SLC9B1: variants seen among roughly 807,000 people sequenced by gnomAD.
The protein encoded by SLC9B1 is solute carrier family 9 member B1.
SLC9B1 carries 32 observed loss-of-function variants against 51.7 expected under a neutral mutation model. The ratio of observed to expected loss-of-function variants is 0.62; its 90% CI spans 0.47 to 0.83. The LOEUF is 0.83. Among genes scored for constraint, SLC9B1 ranks in the 40% least tolerant of loss-of-function variants. The probability of loss-of-function intolerance (pLI) is 0.00; values close to 1 mark genes in which losing one functional copy is unlikely to be tolerated. For missense variants in SLC9B1, 406 were observed against 613.2 expected, an observed-to-expected ratio of 0.66 and a Z score of 3.57; for synonymous variants, 145 against 212.7, an observed-to-expected ratio of 0.68 and a Z score of 2.77.
chr4:102,975,544 T>A (rs1405858327), intron 3 of SLC9B1, among the ~76,000 whole-genome samples: 2 of 146,718 alleles, frequency 1.4e-5, no homozygotes, highest in African/African-American at 5.0e-5. Context: ...GCTTCAACTA[T>A]ATCTATAATG....
chr4:102,983,429 T>A (rs1380609746), intron 3 of SLC9B1, among the ~76,000 whole-genome samples: 1 of 152,204 alleles, frequency 6.6e-6, no homozygotes, highest in Non-Finnish European at 1.5e-5. Context: ...GTATTCCTTC[T>A]GCTTATGTCT....
At chr4:102,886,903 C>T (rs1353261558) in intron 11 of SLC9B1, among the ~76,000 whole-genome samples, 1 of 152,226 alleles carries the variant, frequency 6.6e-6, no homozygotes, top group Non-Finnish European at 1.5e-5. Context: ...GCGTAAACTA[C>T]CGCACCAGCC....
rs148208462 is a variant in SLC9B1 at position 102,986,076 on chromosome 4, T to C, written c.211+3724A>G. 1.4e-3 allele frequency among the ~76,000 whole-genome samples: 209 copies of C among 152,330 alleles called. No individual in the cohort carries two copies. The Middle Eastern group carries it at 0.017, about 12-fold the overall frequency. The stretch of plus-strand genomic sequence containing the variant: ...GAATATTCTTCCTTTTTTACATAGA[T>C]GTGAGTTTCTGATCTACATCATTTT... On this transcript the variant is annotated intron_variant, in intron 3 of 11. Transcript: ENST00000296422.
chr4:102,926,784 A>C (rs935625261), intron 7 of SLC9B1, among the ~76,000 whole-genome samples: 1 of 152,360 alleles, frequency 6.6e-6, no homozygotes, highest in African/African-American at 2.4e-5. Context: ...AAGAGCCTGC[A>C]TTGCCAAGAC....
At chr4:102,940,261 CA>C (rs1033673435) in intron 6 of SLC9B1, among the ~76,000 whole-genome samples, 1 of 151,984 alleles carries the variant, frequency 6.6e-6, no homozygotes, top group African/African-American at 2.4e-5. Flanking sequence ...ACAATAGCCA[CA>C]AAAAAACTAT....
Position 102,894,781 on chromosome 4 carries a change from C to T in SLC9B1, c.1333-9453G>A, listed in dbSNP as rs115025956. On this transcript the variant is annotated intron_variant, in intron 11 of 11. Coordinates refer to the SLC9B1 transcript ENST00000394789. ...AAACCAGCTTGGGCAAATTGTGAAA[C>T]GCTATCTCTAACCAAAACAAAAAGC... Among the ~76,000 whole-genome samples, 866 of 152,074 alleles carry T rather than the reference C, an allele frequency of 5.7e-3. 6 individuals are homozygous for T. The highest frequency in any genetic ancestry group is 9.9e-3 in the Non-Finnish European group (674 of 67,990).
Position 102,957,903 on chromosome 4 carries a change from G to C in SLC9B1, c.212-8476C>G, listed in dbSNP as rs371015882. On this transcript the variant is annotated intron_variant, in intron 3 of 11. Transcript: ENST00000296422. ...TTCATAGCATATAAGAGGTACATTGGATCAAAGTTGCTATATAACACTGGA... is the reference window on the plus strand; with the variant it reads ...TTCATAGCATATAAGAGGTACATTGCATCAAAGTTGCTATATAACACTGGA... Among the ~76,000 whole-genome samples the C allele has an allele frequency of 3.3e-4, 50 of 152,140 alleles. No individual in the cohort carries two copies. In the East Asian group the frequency reaches 7.9e-3, roughly 24 times the overall value.
chr4:102,931,002 A>G (rs908751050), intron 7 of SLC9B1, among the ~76,000 whole-genome samples: 2 of 151,930 alleles, frequency 1.3e-5, no homozygotes, highest in Non-Finnish European at 2.9e-5. Flanking sequence ...AGGCGGGCGG[A>G]TCATGAGGTC....
In SLC9B1 at chr4:103,008,948, T is replaced by C. The variant is rs546808601; in HGVS notation, c.-2+10651A>G. Among the ~76,000 whole-genome samples the C allele has an allele frequency of 4.9e-3, 746 of 152,128 alleles. 1 individual carries two copies. The highest frequency in any genetic ancestry group is 7.3e-3 in the Non-Finnish European group (497 of 67,956). On this transcript the variant is annotated intron_variant, in intron 1 of 11. Coordinates refer to ENST00000296422, the MANE Select transcript of SLC9B1 (RefSeq NM_139173.4). ...CCGAGCAGCTGGGACTACGGGCGCGTGCCACCACGTCTGGCTAATTTTTTG... is the reference window on the plus strand; with the variant it reads ...CCGAGCAGCTGGGACTACGGGCGCGCGCCACCACGTCTGGCTAATTTTTTG...
chr4:102,901,200 CCATAAGTAG>C lies in SLC9B1; in HGVS notation c.1456_1464del (p.Leu486_Met488del). 6.2e-7 allele frequency: 1 copy of C among 1,612,068 alleles called. No homozygotes were observed. The highest frequency in any genetic ancestry group is 8.5e-7 in the Non-Finnish European group (1 of 1,179,858). On this transcript the variant is annotated inframe_deletion, in exon 12 of 12. Transcript: ENST00000296422. ...GTAAGCATTTTAGGCCCCAGAATGC[CCATAAGTAG>C]AGCTCCATTTGGAGCTGTGATCAAG...
chr4:102,886,578 G>A (rs1291504442), intron 11 of SLC9B1, among the ~76,000 whole-genome samples: 2 of 152,012 alleles, frequency 1.3e-5, no homozygotes, highest in African/African-American at 4.8e-5. Context: ...ATCTGGATGG[G>A]TTATGAGTGA....
intron 3 of SLC9B1, among the ~76,000 whole-genome samples, chr4:102,955,407 C>G (rs1000454507): frequency 6.6e-6 from 1 of 152,170 alleles, no homozygotes; most frequent in Admixed American, 6.6e-5. Flanking sequence ...TGAAAACGGA[C>G]TAATACACTC....
intron 9 of SLC9B1, 101 bp downstream of exon 9, chr4:102,910,338 C>G: frequency 9.3e-7 from 1 of 1,076,676 alleles, no homozygotes. Context: ...GACAGAAAAC[C>G]TTTTGGAACA....
At chr4:102,951,488 C>T (rs1333998854) in intron 3 of SLC9B1, among the ~76,000 whole-genome samples, 3 of 151,340 alleles carry the variant, frequency 2.0e-5, no homozygotes, top group South Asian at 2.1e-4. Context: ...GGACTAGAGA[C>T]AATTTTTAAA....
rs1227517602 is a variant in SLC9B1 at position 102,906,631 on chromosome 4, T to C, written c.1100A>G (p.Lys367Arg). Residue 367 changes from lysine (K) to arginine (R), a missense_variant, in exon 10 of 12, where the codon AAG becomes AGG. This residue lies in a region of SLC9B1 where 250 missense variants were observed against 394.1 expected (regional missense o/e 0.63). Transcript: ENST00000296422. ...KWSQEKMKVQ[K>R]IITTVWDIFQ... ...AATATCCCATACAGTCGTAATAATC[T>C]TTTGGACTTTCATCTATAGAAAAGA... The C allele has an allele frequency of 6.4e-7, 1 of 1,572,918 alleles. No homozygotes were observed. Among genetic ancestry groups the C allele is most frequent in the African/African-American group, 1.3e-5 (1 of 74,124 alleles).
chr4:103,011,201 G>T (rs1374872945), intron 1 of SLC9B1, among the ~76,000 whole-genome samples: 1 of 152,194 alleles, frequency 6.6e-6, no homozygotes, highest in East Asian at 1.9e-4. Context: ...GGAGAAAGGG[G>T]TAATAAGTTC....
intron 6 of SLC9B1, among the ~76,000 whole-genome samples, chr4:102,934,527 G>A (rs1423209441): frequency 1.3e-5 from 2 of 152,094 alleles, no homozygotes; most frequent in East Asian, 1.9e-4. Flanking sequence ...GGCTAGGTGC[G>A]ATGGCTCACA....
rs538333389 is a variant in SLC9B1 at position 103,016,669 on chromosome 4, T to C, written c.-2+2930A>G. 4.0e-5 allele frequency: 6 copies of C among 151,180 alleles called. No homozygotes were observed. In the South Asian group the frequency reaches 1.3e-3, roughly 32 times the overall value. The allele number at this position is 151,180 out of a possible 1,614,324, so 9.4% of individuals were successfully genotyped here. Reference sequence around the variant, plus strand: ...TGGGGTTTCTCCATGTTGGTCAGGCTGGTCTGGAACTCCCGTCCTCAGGTG... The same window carrying C: ...TGGGGTTTCTCCATGTTGGTCAGGCCGGTCTGGAACTCCCGTCCTCAGGTG... On this transcript the variant is annotated intron_variant, in intron 1 of 11. Transcript: ENST00000296422.
chr4:103,009,443 A>C (rs916321411), intron 1 of SLC9B1, among the ~76,000 whole-genome samples: 5 of 152,174 alleles, frequency 3.3e-5, no homozygotes, highest in African/African-American at 1.2e-4. Flanking sequence ...CTCTCCTCTA[A>C]AGAAAGGTAT....
Sources: allele counts gnomAD v4.1 joint callset (sites outside exome capture counted in the v4.1 genomes callset), GRCh38; gene constraint gnomAD v4.1.1; regional missense constraint gnomAD v4.1.1; transcripts MANE v1.5; gene names NCBI Gene and HGNC (gene_info 2026-07-23, HGNC 2026-07-21).